MIPOL1: variants seen among roughly 807,000 people sequenced by gnomAD.
MIPOL1 encodes the protein mirror-image polydactyly 1.
In MIPOL1, 57 loss-of-function variants were observed where a neutral mutation model predicts 60.9. That is an observed-to-expected ratio of 0.94 (90% CI 0.76 to 1.17). MIPOL1 has a LOEUF of 1.17. Ranked by LOEUF, MIPOL1 falls within the 50% of genes most tolerant of loss-of-function variation. The pLI is 0.00. For missense variants in MIPOL1, 551 were observed against 511.6 expected, an observed-to-expected ratio of 1.08 and a Z score of -0.74; for synonymous variants, 179 against 168.8, an observed-to-expected ratio of 1.06 and a Z score of -0.47.
intron 10 of MIPOL1, among the ~76,000 whole-genome samples, chr14:37,383,532 C>T (rs189679804): frequency 6.6e-6 from 1 of 151,906 alleles, no homozygotes; most frequent in East Asian, 1.9e-4. Context: ...ATATGATGGT[C>T]AGGTTTTAAG....
chr14:37,285,291 G>T, intron 6 of MIPOL1, 27 bp from the exon 7 acceptor site: 1 of 1,612,110 alleles, frequency 6.2e-7, no homozygotes, highest in Non-Finnish European at 8.5e-7. Flanking sequence ...TTGTATGATT[G>T]ATTGTGCGCT....
chr14:37,483,973 G>T (rs996492342), intron 11 of MIPOL1, among the ~76,000 whole-genome samples: 5 of 152,090 alleles, frequency 3.3e-5, no homozygotes, highest in Admixed American at 6.5e-5. Flanking sequence ...GCATTTCCAT[G>T]TTCATTGCAA....
chr14:37,415,849 A>T (rs2093759381), intron 10 of MIPOL1, among the ~76,000 whole-genome samples: 2 of 152,138 alleles, frequency 1.3e-5, no homozygotes. Context: ...GTGAGAAATG[A>T]TAATATGAAT....
At chr14:37,500,378 A>C (rs1335260120) in intron 12 of MIPOL1, among the ~76,000 whole-genome samples, 1 of 152,166 alleles carries the variant, frequency 6.6e-6, no homozygotes, top group Non-Finnish European at 1.5e-5. Context: ...ATAACTGATC[A>C]TCAGTTCATG....
chr14:37,303,684 C>G (rs1236764584), intron 7 of MIPOL1, among the ~76,000 whole-genome samples: 11 of 151,792 alleles, frequency 7.2e-5, no homozygotes, highest in African/African-American at 2.7e-4. Flanking sequence ...ATTCAATTCT[C>G]AGGCTTTTCT....
intron 7 of MIPOL1, 46 bp downstream of exon 7, chr14:37,285,493 A>G: frequency 1.3e-6 from 2 of 1,586,900 alleles, no homozygotes; most frequent in Non-Finnish European, 1.7e-6. Context: ...AACACTTATA[A>G]AAGGCATGCT....
At chr14:37,448,187 G>A (rs1438176205) in intron 11 of MIPOL1, among the ~76,000 whole-genome samples, 1 of 152,138 alleles carries the variant, frequency 6.6e-6, no homozygotes, top group African/African-American at 2.4e-5. Flanking sequence ...CCCCAGTTAG[G>A]TGCTAATAGT....
intron 10 of MIPOL1, among the ~76,000 whole-genome samples, chr14:37,409,113 A>C (rs1042427901): frequency 3.9e-5 from 6 of 152,164 alleles, no homozygotes; most frequent in Admixed American, 1.3e-4. Flanking sequence ...GAACAGACAC[A>C]AGTACTCCTT....
intron 9 of MIPOL1, among the ~76,000 whole-genome samples, chr14:37,355,606 CTTTTTA>C (rs2091755271): frequency 8.5e-6 from 1 of 117,466 alleles, no homozygotes; most frequent in Non-Finnish European, 1.8e-5. Context: ...TTGCTCATTT[CTTTTTA>C]TTCTTTTTTC....
intron 11 of MIPOL1, among the ~76,000 whole-genome samples, chr14:37,495,593 G>A (rs61987960): frequency 4.2e-4 from 61 of 143,988 alleles, no homozygotes; most frequent in Non-Finnish European, 8.1e-4. Flanking sequence ...ATAAACATAC[G>A]TGTGCATGTG....
intron 12 of MIPOL1, among the ~76,000 whole-genome samples, chr14:37,519,375 T>A (rs1017126453): frequency 3.3e-5 from 5 of 152,156 alleles, no homozygotes; most frequent in Admixed American, 6.5e-5. Flanking sequence ...CCTAAACCAC[T>A]CAACCCTTTA....
At chr14:37,356,944 T>A (rs185089112) in intron 9 of MIPOL1, among the ~76,000 whole-genome samples, 68 of 152,258 alleles carry the variant, frequency 4.5e-4, no homozygotes, top group African/African-American at 1.3e-3. Flanking sequence ...CAGGATCTCA[T>A]TTTTTTATGA....
intron 11 of MIPOL1, among the ~76,000 whole-genome samples, chr14:37,496,543 C>T (rs973186496): frequency 6.9e-6 from 1 of 144,610 alleles, no homozygotes; most frequent in Non-Finnish European, 1.5e-5. Flanking sequence ...AGTGAACTCC[C>T]ATTCACAATT....
intron 12 of MIPOL1, among the ~76,000 whole-genome samples, chr14:37,518,158 A>G (rs555398736): frequency 6.6e-6 from 1 of 152,166 alleles, no homozygotes; most frequent in Non-Finnish European, 1.5e-5. Flanking sequence ...TTTACTAACT[A>G]TGTTAACAGT....
At chr14:37,201,782 C>T (rs1054430584) in intron 1 of MIPOL1, among the ~76,000 whole-genome samples, 3 of 152,136 alleles carry the variant, frequency 2.0e-5, no homozygotes, top group Admixed American at 2.0e-4. Context: ...TACCATTCAG[C>T]CCACCATCCA....
intron 12 of MIPOL1, among the ~76,000 whole-genome samples, chr14:37,531,338 C>A (rs1190353745): frequency 6.6e-6 from 1 of 152,028 alleles, no homozygotes; most frequent in Admixed American, 6.6e-5. Context: ...TTATTTGTAT[C>A]CCACCCATTC....
intron 9 of MIPOL1, among the ~76,000 whole-genome samples, chr14:37,346,978 G>A (rs2090990723): frequency 2.0e-5 from 3 of 152,092 alleles, no homozygotes; most frequent in Admixed American, 2.0e-4. Flanking sequence ...TAACTGTCAT[G>A]GTGAGAAGCC....
At chr14:37,533,983 G>C (rs544316207) in intron 12 of MIPOL1, among the ~76,000 whole-genome samples, 1 of 151,434 alleles carries the variant, frequency 6.6e-6, no homozygotes, top group African/African-American at 2.4e-5. Flanking sequence ...AGCTACTTGG[G>C]AGGCTGAGGC....
chr14:37,263,904 A>G (rs2082684178), intron 3 of MIPOL1, among the ~76,000 whole-genome samples: 1 of 152,210 alleles, frequency 6.6e-6, no homozygotes, highest in Admixed American at 6.5e-5. Context: ...GAAAGTGAAT[A>G]TCTTTCTGTT....
Sources: allele counts gnomAD v4.1 joint callset (sites outside exome capture counted in the v4.1 genomes callset), GRCh38; gene constraint gnomAD v4.1.1; transcripts MANE v1.5; gene names NCBI Gene and HGNC (gene_info 2026-07-23, HGNC 2026-07-21).